RBFOX1: variants seen among roughly 807,000 people sequenced by gnomAD.
RBFOX1 encodes the protein RNA binding fox-1 homolog 1.
A neutral mutation model predicts 57.7 loss-of-function variants in RBFOX1; 8 were observed. The observed-to-expected ratio is 0.14, with a 90% CI of 0.08 to 0.25. The LOEUF is 0.25. RBFOX1 is among the 10% of genes least tolerant of loss of function. The pLI is 1.00. For synonymous variants in RBFOX1, 326 were observed against 222.4 expected, an observed-to-expected ratio of 1.47 and a Z score of -4.15; for missense variants, 611 against 548.5, an observed-to-expected ratio of 1.11 and a Z score of -1.14.
intron 4 of RBFOX1, among the ~76,000 whole-genome samples, chr16:7,161,824 A>G (rs921428568): frequency 6.6e-6 from 1 of 152,224 alleles, no homozygotes; most frequent in Non-Finnish European, 1.5e-5. Flanking sequence ...GTTTCTAGTC[A>G]GTCCTAAAGT....
At chr16:7,155,832 A>G (rs1024143725) in intron 4 of RBFOX1, among the ~76,000 whole-genome samples, 6 of 151,250 alleles carry the variant, frequency 4.0e-5, no homozygotes, top group Admixed American at 2.6e-4. Context: ...TGTGCTCTAT[A>G]TAATACCTAT....
At chr16:6,421,052 A>G (rs2093757926) in intron 2 of RBFOX1, among the ~76,000 whole-genome samples, 2 of 152,214 alleles carry the variant, frequency 1.3e-5, no homozygotes, top group South Asian at 4.1e-4. Flanking sequence ...TAGGCAATAG[A>G]AGACATAATT....
At chr16:5,308,137 C>T (rs973370548) in intron 1 of RBFOX1, among the ~76,000 whole-genome samples, 25 of 151,960 alleles carry the variant, frequency 1.6e-4, no homozygotes, top group Non-Finnish European at 2.8e-4. Flanking sequence ...GTCAGGAGTT[C>T]GAGACCAGCC....
In RBFOX1 at chr16:7,381,091, G is replaced by A. The variant is rs183304036; in HGVS notation, c.28-137056G>A. Among the ~76,000 whole-genome samples the A allele has an allele frequency of 5.9e-5, 9 of 152,274 alleles. No homozygotes were observed. The South Asian group carries it at 8.3e-4, about 14-fold the overall frequency. On this transcript the variant is annotated intron_variant, in intron 4 of 15. Transcript: ENST00000550418. ...TGTGAATACACTGGAGATGTTATGC[G>A]TCAAACAAACCCAGTGTTCTGGCTT...
At chr16:6,392,333 C>G (rs1488317434) in intron 2 of RBFOX1, among the ~76,000 whole-genome samples, 1 of 152,112 alleles carries the variant, frequency 6.6e-6, no homozygotes, top group Non-Finnish European at 1.5e-5. Flanking sequence ...CACGGTTTTT[C>G]TAGGTAATTG....
At chr16:7,710,459 G>A (rs999309035) in intron 15 of RBFOX1, 164 bp from the exon 16 acceptor site, 3 of 1,475,942 alleles carry the variant, frequency 2.0e-6, no homozygotes, top group Middle Eastern at 1.9e-4. Context: ...GGAAGGTCAG[G>A]AATGGCCCTA....
At chr16:6,226,221 A>C (rs1300380960) in intron 1 of RBFOX1, among the ~76,000 whole-genome samples, 1 of 151,170 alleles carries the variant, frequency 6.6e-6, no homozygotes, top group Non-Finnish European at 1.5e-5. Flanking sequence ...AAAAAAAAAA[A>C]AATTAGCTGG....
At chr16:6,245,434 CTT>C (rs1172064949) in intron 1 of RBFOX1, among the ~76,000 whole-genome samples, 1 of 152,156 alleles carries the variant, frequency 6.6e-6, no homozygotes, top group African/African-American at 2.4e-5. Context: ...TATTCATTCA[CTT>C]TTATTAAGCA....
intron 2 of RBFOX1, among the ~76,000 whole-genome samples, chr16:6,339,229 C>T (rs145699953): frequency 6.6e-6 from 1 of 152,156 alleles, no homozygotes; most frequent in African/African-American, 2.4e-5. Context: ...TGAGGAGTGT[C>T]CTTAGAGGTG....
At chr16:6,546,434 C>T (rs1330552348) in intron 2 of RBFOX1, among the ~76,000 whole-genome samples, 1 of 152,218 alleles carries the variant, frequency 6.6e-6, no homozygotes, top group African/African-American at 2.4e-5. Flanking sequence ...CTGGGTCATG[C>T]TCCCTCTGAA....
intron 1 of RBFOX1, among the ~76,000 whole-genome samples, chr16:6,069,362 C>T (rs2095806715): frequency 6.9e-6 from 1 of 144,422 alleles, no homozygotes; most frequent in African/African-American, 2.6e-5. Context: ...TGTGCCAGTG[C>T]ACTCCAGCCT....
At chr16:7,312,605 A>G (rs978921561) in intron 4 of RBFOX1, among the ~76,000 whole-genome samples, 6 of 152,086 alleles carry the variant, frequency 3.9e-5, no homozygotes, top group Non-Finnish European at 8.8e-5. Context: ...TTCTTCCTCC[A>G]GTGAGCTGTC....
intron 4 of RBFOX1, among the ~76,000 whole-genome samples, chr16:7,096,517 C>G (rs984672182): frequency 1.3e-5 from 2 of 152,100 alleles, no homozygotes; most frequent in African/African-American, 2.4e-5. Context: ...AGTTTTGAGG[C>G]CAATTTTCTT....
At chr16:7,066,450 C>G (rs1411314502) in intron 4 of RBFOX1, among the ~76,000 whole-genome samples, 4 of 152,166 alleles carry the variant, frequency 2.6e-5, no homozygotes, top group African/African-American at 7.2e-5. Flanking sequence ...GAGGCCCAAC[C>G]TTTGTAGGAT....
intron 3 of RBFOX1, among the ~76,000 whole-genome samples, chr16:6,841,497 G>C (rs12931643): frequency 0.48 from 72,572 of 151,932 alleles, 18,444 homozygotes; most frequent in East Asian, 0.75. Flanking sequence ...TCATTAATGC[G>C]GTAGATCTGG....
At chr16:5,250,421 C>G (rs998011111) in intron 1 of RBFOX1, among the ~76,000 whole-genome samples, 2 of 152,146 alleles carry the variant, frequency 1.3e-5, no homozygotes, top group Non-Finnish European at 2.9e-5. Flanking sequence ...TCTCCCTCCC[C>G]TTGTCCCTCA....
chr16:7,540,346 G>T (rs192789198), intron 5 of RBFOX1, among the ~76,000 whole-genome samples: 1 of 152,292 alleles, frequency 6.6e-6, no homozygotes, highest in East Asian at 1.9e-4. Context: ...TCGGCAATGT[G>T]GCTGAGAGAG....
At chr16:5,519,888 T>G (rs1030549512) in intron 2 of RBFOX1, among the ~76,000 whole-genome samples, 1 of 152,234 alleles carries the variant, frequency 6.6e-6, no homozygotes, top group Non-Finnish European at 1.5e-5. Context: ...CAATAATTCT[T>G]TATTGAGCCC....
chr16:7,516,091 C>A (rs557210154), intron 4 of RBFOX1, among the ~76,000 whole-genome samples: 1 of 152,300 alleles, frequency 6.6e-6, no homozygotes, highest in East Asian at 1.9e-4. Flanking sequence ...GTGATCCACC[C>A]ACCTTGGCCT....
Sources: gnomAD v4.1 joint callset for allele counts (sites outside exome capture counted in the v4.1 genomes callset) on GRCh38, gnomAD v4.1.1 for gene constraint, MANE v1.5 for transcripts, NCBI Gene and HGNC (gene_info 2026-07-23, HGNC 2026-07-21) for gene names.